Variants in PHLDB2 observed in about 807,000 individuals in gnomAD.
PHLDB2 encodes pleckstrin homology-like domain family B member 2.
PHLDB2 carries 71 observed loss-of-function variants against 123.6 expected under a neutral mutation model. That is an observed-to-expected ratio of 0.57 (90% CI 0.47 to 0.70). The LOEUF is 0.70. PHLDB2 is among the 30% of genes least tolerant of loss of function. The pLI is 0.00. For missense variants in PHLDB2, 1,446 were observed against 1,519.5 expected (o/e 0.95, Z 0.80); for synonymous variants, 547 against 541.6 (o/e 1.01, Z -0.14).
chr3:111,918,968 C>T lies in PHLDB2; in HGVS notation c.1720-104C>T, dbSNP rs189824699. The T allele has an allele frequency of 1.6e-3, 1,942 of 1,177,284 alleles. 44 individuals are homozygous for T. In the Admixed American group the frequency reaches 0.033, roughly 20 times the overall value. The allele number at this position is 1,177,284 out of a possible 1,614,324, so 72.9% of individuals were successfully genotyped here. ...GGGATGCTTTTAAAATCTACATGGG[C>T]ATGGAGACTGTGAGACCCTAGACCT... On this transcript the variant is annotated intron_variant, in intron 3 of 17. Coordinates refer to ENST00000431670, the MANE Select transcript of PHLDB2 (RefSeq NM_001134438.2).
chr3:111,944,041 A>C (rs2070107102), intron 8 of PHLDB2, among the ~76,000 whole-genome samples: 1 of 152,162 alleles, frequency 6.6e-6, no homozygotes. Flanking sequence ...ATAATACAGG[A>C]CTCCTCAACA....
chr3:111,916,517 A>C (rs955665031), intron 3 of PHLDB2: 9 of 152,230 alleles, frequency 5.9e-5, no homozygotes, highest in Non-Finnish European at 1.3e-4. Flanking sequence ...TGGAGAAGAG[A>C]GGAATGTGAA....
At chr3:111,892,044 C>G (rs2066530176) in intron 2 of PHLDB2, among the ~76,000 whole-genome samples, 1 of 152,124 alleles carries the variant, frequency 6.6e-6, no homozygotes. Context: ...TGGTAAATAG[C>G]ATTGTTGCCA....
intron 6 of PHLDB2, among the ~76,000 whole-genome samples, chr3:111,938,189 T>TA (rs1035148236): frequency 1.3e-5 from 2 of 152,048 alleles, no homozygotes; most frequent in Non-Finnish European, 2.9e-5. Flanking sequence ...TTTCAATTTT[T>TA]AAAAAAAAGA....
At chr3:111,954,379 T>A (rs2070904300) in intron 12 of PHLDB2, among the ~76,000 whole-genome samples, 1 of 152,202 alleles carries the variant, frequency 6.6e-6, no homozygotes. Context: ...TCACCTGGGT[T>A]GTGTCTGAGC....
At chr3:111,948,500 T>A (rs181073507) in intron 9 of PHLDB2, among the ~76,000 whole-genome samples, 1 of 152,324 alleles carries the variant, frequency 6.6e-6, no homozygotes, top group African/African-American at 2.4e-5. Flanking sequence ...AATCTAAGAA[T>A]GAAGATTTGT....
chr3:111,838,433 T>G (rs543042674), intron 1 of PHLDB2, among the ~76,000 whole-genome samples: 73 of 152,340 alleles, frequency 4.8e-4, no homozygotes, highest in Admixed American at 1.5e-3. Flanking sequence ...ACAAGAATGA[T>G]AGCAAATCCA....
intron 1 of PHLDB2, among the ~76,000 whole-genome samples, chr3:111,765,528 G>A (rs62273780): frequency 0.36 from 54,910 of 152,062 alleles, 12,297 homozygotes; most frequent in South Asian, 0.53. Flanking sequence ...AAAGATAATC[G>A]ATCCAAAAAT....
chr3:111,778,982 T>C (rs899626145), intron 1 of PHLDB2, among the ~76,000 whole-genome samples: 6 of 152,116 alleles, frequency 3.9e-5, no homozygotes, highest in Admixed American at 1.3e-4. Context: ...GCAGCCTTTC[T>C]TTGGCTACTT....
chr3:111,896,610 C>T (rs753128224), intron 2 of PHLDB2, among the ~76,000 whole-genome samples: 4 of 152,194 alleles, frequency 2.6e-5, no homozygotes, highest in Non-Finnish European at 4.4e-5. Context: ...CTTGGCCACC[C>T]AAAGTGCTAG....
intron 2 of PHLDB2, among the ~76,000 whole-genome samples, chr3:111,910,925 A>G (rs1253543257): frequency 6.6e-6 from 1 of 152,210 alleles, no homozygotes; most frequent in Non-Finnish European, 1.5e-5. Flanking sequence ...TGCATGTGTC[A>G]GTGATTCAAA....
In PHLDB2 at chr3:111,816,031, G is replaced by T. The variant is rs542798518; in HGVS notation, c.-48-29790G>T. 2.0e-5 allele frequency among the ~76,000 whole-genome samples: 3 copies of T among 152,308 alleles called. No homozygotes were observed. The South Asian group carries it at 6.2e-4, about 32-fold the overall frequency. ...CCCCAAGCCTTAGCAGCTTCCACAT[G>T]GTGTTGAGCCTGCGAGTGAACAGAA... On this transcript the variant is annotated intron_variant, in intron 1 of 17. Coordinates refer to the PHLDB2 transcript ENST00000393923.
chr3:111,938,530 C>T (rs1165534358), intron 6 of PHLDB2, among the ~76,000 whole-genome samples: 1 of 152,026 alleles, frequency 6.6e-6, no homozygotes, highest in Non-Finnish European at 1.5e-5. Context: ...ATCGTGTATA[C>T]ATACTATGCT....
At chr3:111,933,040 G>A (rs1423598757) in intron 6 of PHLDB2, among the ~76,000 whole-genome samples, 1 of 152,148 alleles carries the variant, frequency 6.6e-6, no homozygotes, top group Non-Finnish European at 1.5e-5. Flanking sequence ...GATCCTTAAG[G>A]TTGGCAGCGT....
chr3:111,793,716 T>C (rs554077762), intron 1 of PHLDB2, among the ~76,000 whole-genome samples: 39 of 151,984 alleles, frequency 2.6e-4, no homozygotes, highest in Admixed American at 8.5e-4. Context: ...CCAAGGACTC[T>C]TTGGTCAGCA....
rs140559151 is a variant in PHLDB2 at position 111,865,748 on chromosome 3, T to C, written c.-15+6172T>C. ...ATAACATCCTAACGTAACCATTTCC[T>C]TTATTAGATCTTTTGGCCAGAGTTA... is the stretch of plus-strand genomic sequence containing the variant. On this transcript the variant is annotated intron_variant, in intron 1 of 17. Coordinates refer to ENST00000431670, the MANE Select transcript of PHLDB2 (RefSeq NM_001134438.2). Among the ~76,000 whole-genome samples, 472 of 152,196 alleles carry C rather than the reference T, an allele frequency of 3.1e-3. 5 individuals are homozygous for C. Among genetic ancestry groups the C allele is most frequent in the African/African-American group, 0.011 (446 of 41,506 alleles).
intron 6 of PHLDB2, 86 bp from the exon 7 acceptor site, chr3:111,939,389 C>A (rs1240157056): frequency 3.3e-5 from 45 of 1,369,428 alleles, no homozygotes; most frequent in Non-Finnish European, 4.3e-5. Flanking sequence ...ATATCTTGGA[C>A]CAACTGCTTT....
intron 6 of PHLDB2, among the ~76,000 whole-genome samples, chr3:111,939,055 T>A (rs66587713): frequency 2.6e-5 from 4 of 151,908 alleles, no homozygotes; most frequent in African/African-American, 9.7e-5. Context: ...TGATCCCCCC[T>A]CCTCAGCCTC....
intron 16 of PHLDB2, among the ~76,000 whole-genome samples, chr3:111,970,273 G>A (rs1471086795): frequency 6.6e-6 from 1 of 151,806 alleles, no homozygotes; most frequent in African/African-American, 2.4e-5. Flanking sequence ...AATTGTTTAT[G>A]TTCACTGTAT....
Sources: gnomAD v4.1 joint callset for allele counts (sites outside exome capture counted in the v4.1 genomes callset) on GRCh38, gnomAD v4.1.1 for gene constraint, MANE v1.5 for transcripts, NCBI Gene and HGNC (gene_info 2026-07-23, HGNC 2026-07-21) for gene names.